The following SLC35F3 variants were observed in gnomAD, a reference collection of about 807,000 sequenced individuals.
SLC35F3 encodes the protein solute carrier family 35 member F3.
Under a neutral mutation model 49.9 loss-of-function variants are expected in SLC35F3, and 25 were observed. The ratio of observed to expected loss-of-function variants is 0.50; its 90% confidence interval spans 0.37 to 0.70. The LOEUF (loss-of-function observed/expected upper bound fraction) is 0.70. Ranked by LOEUF, SLC35F3 falls within the 30% of genes least tolerant of loss-of-function variation. SLC35F3 has a pLI of 0.00. For synonymous variants in SLC35F3, 275 were observed against 265.4 expected, an observed-to-expected ratio of 1.04 and a Z score of -0.35; for missense variants, 525 against 639.8, an observed-to-expected ratio of 0.82 and a Z score of 1.94.
chr1:234,253,675 G>C (rs1337799460), intron 3 of SLC35F3, among the ~76,000 whole-genome samples: 1 of 152,238 alleles, frequency 6.6e-6, no homozygotes, highest in East Asian at 1.9e-4. Flanking sequence ...TAAGAACCAA[G>C]AGCGTCAGTA....
At chr1:234,232,199 T>C (rs930868947) in intron 3 of SLC35F3, among the ~76,000 whole-genome samples, 6 of 152,280 alleles carry the variant, frequency 3.9e-5, no homozygotes, top group African/African-American at 1.4e-4. Flanking sequence ...TCCCAAGACA[T>C]GCCCCCCTTC....
At chr1:234,059,402 T>C (rs1024058932) in intron 2 of SLC35F3, among the ~76,000 whole-genome samples, 3 of 152,206 alleles carry the variant, frequency 2.0e-5, no homozygotes, top group Non-Finnish European at 4.4e-5. Context: ...CTCAAAGTAT[T>C]TTCTAATTTC....
intron 2 of SLC35F3, among the ~76,000 whole-genome samples, chr1:233,912,244 C>A (rs1005496314): frequency 5.3e-5 from 8 of 152,130 alleles, no homozygotes; most frequent in African/African-American, 1.9e-4. Context: ...CTTTGGGAGG[C>A]CAAGGCGGGT....
At chr1:234,109,660 G>C (rs1424243003) in intron 2 of SLC35F3, among the ~76,000 whole-genome samples, 2 of 152,156 alleles carry the variant, frequency 1.3e-5, no homozygotes, top group East Asian at 3.8e-4. Context: ...TGTGTGCTAG[G>C]ACTGTTCTAG....
chr1:233,953,238 A>G (rs1662635650), intron 2 of SLC35F3, among the ~76,000 whole-genome samples: 1 of 152,236 alleles, frequency 6.6e-6, no homozygotes, highest in Non-Finnish European at 1.5e-5. Context: ...AAAAACATTA[A>G]GAATGAAAAA....
chr1:234,131,084 C>A (rs1665728806), intron 2 of SLC35F3, among the ~76,000 whole-genome samples: 1 of 152,056 alleles, frequency 6.6e-6, no homozygotes, highest in Admixed American at 6.6e-5. Context: ...CAAAGCTGAT[C>A]TGCGATGTTA....
rs139243289 is a variant in SLC35F3 at position 233,928,997 on chromosome 1, C to G, written c.283+23239C>G. Among the ~76,000 whole-genome samples, 405 of 152,210 alleles carry G rather than the reference C, an allele frequency of 2.7e-3. 1 individual carries two copies. The highest frequency in any genetic ancestry group is 4.7e-3 in the Non-Finnish European group (319 of 67,988). ...TAGTGGCTTCAAGCAATAGTACAAA[C>G]ATTTAAAGCCTGTGTTCTCCTCATG... is the stretch of plus-strand genomic sequence containing the variant. On this transcript the variant is annotated intron_variant, in intron 2 of 7. Coordinates refer to ENST00000366618, the MANE Select transcript of SLC35F3 (RefSeq NM_173508.4).
intron 2 of SLC35F3, among the ~76,000 whole-genome samples, chr1:233,970,670 C>G (rs914982467): frequency 6.6e-6 from 1 of 152,074 alleles, no homozygotes; most frequent in Non-Finnish European, 1.5e-5. Context: ...TCCAATAGGC[C>G]TTGTGTCTTA....
At chr1:233,956,054 A>G (rs1245830293) in intron 2 of SLC35F3, among the ~76,000 whole-genome samples, 1 of 151,476 alleles carries the variant, frequency 6.6e-6, no homozygotes, top group Non-Finnish European at 1.5e-5. Flanking sequence ...CGCCTGGCTA[A>G]TTTTTGTATG....
chr1:234,181,795 T>A (rs1427731805), intron 2 of SLC35F3, among the ~76,000 whole-genome samples: 1 of 152,256 alleles, frequency 6.6e-6, no homozygotes, highest in East Asian at 1.9e-4. Flanking sequence ...TTTCTTTGTT[T>A]TTGGTTTCTT....
chr1:234,068,563 G>GAAAC (rs1458828569), intron 2 of SLC35F3, among the ~76,000 whole-genome samples: 1 of 151,914 alleles, frequency 6.6e-6, no homozygotes, highest in Non-Finnish European at 1.5e-5. Context: ...TGCTGTCCCT[G>GAAAC]AAACAGAAGT....
chr1:234,244,948 T>A (rs1667609445), intron 3 of SLC35F3, among the ~76,000 whole-genome samples: 1 of 152,238 alleles, frequency 6.6e-6, no homozygotes, highest in Non-Finnish European at 1.5e-5. Flanking sequence ...TTTGAGTATT[T>A]GTCATTTTTA....
chr1:234,142,804 A>G (rs1665937902), intron 2 of SLC35F3, among the ~76,000 whole-genome samples: 1 of 152,184 alleles, frequency 6.6e-6, no homozygotes. Flanking sequence ...GATTCAAGGT[A>G]TCTGATCTCA....
intron 2 of SLC35F3, among the ~76,000 whole-genome samples, chr1:234,137,601 T>A (rs1009253703): frequency 1.3e-5 from 2 of 152,094 alleles, no homozygotes; most frequent in African/African-American, 4.8e-5. Flanking sequence ...GCTTGAGGAT[T>A]TGTCAGGTAA....
chr1:234,066,912 T>G (rs897970186), intron 2 of SLC35F3, among the ~76,000 whole-genome samples: 11 of 151,808 alleles, frequency 7.2e-5, no homozygotes, highest in African/African-American at 2.4e-4. Flanking sequence ...AAGCTGTTTT[T>G]GTACCCACTT....
intron 3 of SLC35F3, among the ~76,000 whole-genome samples, chr1:234,267,501 CG>C (rs1668006891): frequency 2.9e-5 from 4 of 139,412 alleles, no homozygotes; most frequent in African/African-American, 5.5e-5. Context: ...GCTGGCCGGG[CG>C]GGGGGCTGAC....
chr1:234,257,559 A>C (rs1160302381), intron 3 of SLC35F3, among the ~76,000 whole-genome samples: 1 of 152,236 alleles, frequency 6.6e-6, no homozygotes, highest in Non-Finnish European at 1.5e-5. Flanking sequence ...GCCAGTGTTG[A>C]AAAGGGAAAG....
chr1:233,924,935 G>C (rs557573670), intron 2 of SLC35F3, among the ~76,000 whole-genome samples: 21 of 152,212 alleles, frequency 1.4e-4, no homozygotes, highest in Non-Finnish European at 3.1e-4. Flanking sequence ...CCATGTAGAT[G>C]TGCGGTTCTG....
At chr1:234,283,501 T>G (rs1183732871) in intron 3 of SLC35F3, among the ~76,000 whole-genome samples, 1 of 152,240 alleles carries the variant, frequency 6.6e-6, no homozygotes, top group Non-Finnish European at 1.5e-5. Context: ...AAAGTAGCAC[T>G]GCAAACCAAA....
Sources: gnomAD v4.1 joint callset for allele counts (sites outside exome capture counted in the v4.1 genomes callset) on GRCh38, gnomAD v4.1.1 for gene constraint, MANE v1.5 for transcripts, NCBI Gene and HGNC (gene_info 2026-07-23, HGNC 2026-07-21) for gene names.